The following PCDHA2 variants were observed in gnomAD, a reference collection of about 807,000 sequenced individuals.
The protein encoded by PCDHA2 is protocadherin alpha 2, also known as protocadherin alpha-2.
Under a neutral mutation model 66.0 loss-of-function variants are expected in PCDHA2, and 58 were observed. The ratio of observed to expected loss-of-function variants is 0.88; its 90% CI spans 0.71 to 1.09. The LOEUF (loss-of-function observed/expected upper bound fraction) is 1.09. PCDHA2 is among the 50% of genes least tolerant of loss of function. PCDHA2 has a pLI of 0.00. For synonymous variants in PCDHA2, 634 were observed against 554.0 expected, an observed-to-expected ratio of 1.14 and a Z score of -2.03; for missense variants, 1,267 against 1,242.3, an observed-to-expected ratio of 1.02 and a Z score of -0.30.
At chr5:140,923,226 G>T (rs2081248805) in intron 1 of PCDHA2, among the ~76,000 whole-genome samples, 1 of 71,914 alleles carries the variant, frequency 1.4e-5, no homozygotes, top group Admixed American at 1.5e-4. Flanking sequence ...GATCGTTTGA[G>T]CCCAGAAGTT....
chr5:140,924,527 G>T (rs2081885403), intron 1 of PCDHA2, among the ~76,000 whole-genome samples: 1 of 152,074 alleles, frequency 6.6e-6, no homozygotes. Context: ...AAAAGAGAAT[G>T]CCCGAGCTAC....
intron 1 of PCDHA2, among the ~76,000 whole-genome samples, chr5:140,972,660 ATTTTTTT>A (rs11350929): frequency 8.5e-6 from 1 of 117,268 alleles, no homozygotes; most frequent in Admixed American, 9.2e-5. Flanking sequence ...AAGAAACCAA[ATTTTTTT>A]TTTTTTTTTT....
intron 3 of PCDHA2, among the ~76,000 whole-genome samples, chr5:141,003,770 T>A (rs1365152633): frequency 6.6e-6 from 1 of 152,246 alleles, no homozygotes; most frequent in East Asian, 1.9e-4. Flanking sequence ...TCGTATTCTG[T>A]TAAATAAACT....
intron 1 of PCDHA2, among the ~76,000 whole-genome samples, chr5:140,958,652 G>C (rs991773774): frequency 6.6e-6 from 1 of 152,030 alleles, no homozygotes; most frequent in East Asian, 1.9e-4. Context: ...ATCACAGAAA[G>C]CTATGATGAA....
chr5:140,891,974 C>T (rs2063333007), intron 1 of PCDHA2, among the ~76,000 whole-genome samples: 1 of 152,170 alleles, frequency 6.6e-6, no homozygotes, highest in South Asian at 2.1e-4. Context: ...AATTTCCGTT[C>T]TCATAAATTA....
At chr5:140,891,818 C>T (rs1331998195) in intron 1 of PCDHA2, among the ~76,000 whole-genome samples, 1 of 152,118 alleles carries the variant, frequency 6.6e-6, no homozygotes, top group Non-Finnish European at 1.5e-5. Context: ...AATAAATTAA[C>T]GGCACTGTAA....
rs145763112 is a variant in PCDHA2, at chr5:140,835,616, C to A, written c.2388+38264C>A. The A allele has an allele frequency of 2.0e-5, 32 of 1,613,766 alleles. No homozygotes were observed. The highest frequency in any genetic ancestry group is 8.3e-5 in the Admixed American group (5 of 59,990). On this transcript the variant is annotated intron_variant, in intron 1 of 3. Transcript: ENST00000526136. ...ATTACTATTCATTGGTGCTGGACAGCGCTCTGGACCGCGAGAGTGTGTCCG... is the reference window on the plus strand; with the variant it reads ...ATTACTATTCATTGGTGCTGGACAGAGCTCTGGACCGCGAGAGTGTGTCCG...
chr5:140,807,978 T>C (rs1554124372), intron 1 of PCDHA2: 1 of 1,613,852 alleles, frequency 6.2e-7, no homozygotes, highest in South Asian at 1.1e-5. Context: ...GTAATTAAAC[T>C]TAACGCCTCA....
intron 3 of PCDHA2, among the ~76,000 whole-genome samples, chr5:141,007,904 T>C (rs1397513381): frequency 6.6e-6 from 1 of 152,278 alleles, no homozygotes; most frequent in African/African-American, 2.4e-5. Flanking sequence ...TTGTTCTTTG[T>C]TGAAGATGCT....
chr5:140,795,816 T>C lies in PCDHA2; in HGVS notation c.852T>C (p.Asp284=). 1.9e-6 allele frequency: 3 copies of C among 1,613,268 alleles called. No individual in the cohort carries two copies. The highest frequency in any genetic ancestry group is 2.5e-6 in the Non-Finnish European group (3 of 1,179,386). The change falls in exon 1 of 4, where the codon GAT becomes GAC. Residue 284 remains aspartate, a synonymous_variant. Transcript: ENST00000526136. ...AGATTGTGTATTCACTCGGTAGTGATGTGTCCTCCACTATACAGACTAAGT... is the reference window on the plus strand; with the variant it reads ...AGATTGTGTATTCACTCGGTAGTGACGTGTCCTCCACTATACAGACTAAGT... ...NSEIVYSLGS[D]VSSTIQTKFT...
At chr5:140,926,654 C>G (rs2083445492) in intron 1 of PCDHA2, 1 of 514,022 alleles carries the variant, frequency 1.9e-6, no homozygotes, top group Non-Finnish European at 3.1e-6. Flanking sequence ...GCCGGCTCCG[C>G]TTTCCCAGAC....
intron 1 of PCDHA2, chr5:140,850,823 TTC>T (rs1310925868): frequency 6.3e-7 from 1 of 1,598,142 alleles, no homozygotes; most frequent in African/African-American, 1.3e-5. Flanking sequence ...GCCCGGGCCT[TTC>T]TCCTTGTGCT....
At chr5:140,877,108 G>C in intron 1 of PCDHA2, 1 of 1,613,542 alleles carries the variant, frequency 6.2e-7, no homozygotes. Context: ...GCCGCCTCTG[G>C]GCAGCAACGT....
chr5:140,968,307 A>G (rs1554230602), intron 1 of PCDHA2: 1 of 1,613,964 alleles, frequency 6.2e-7, no homozygotes, highest in South Asian at 1.1e-5. Context: ...AGGGAGATTC[A>G]AGGGCTGCCA....
At chr5:140,982,823 G>A (rs1187029355) in intron 3 of PCDHA2, among the ~76,000 whole-genome samples, 2 of 151,450 alleles carry the variant, frequency 1.3e-5, no homozygotes, top group South Asian at 2.1e-4. Context: ...GAAGTTTTTG[G>A]GGTTTGTTTG....
At chr5:140,867,108 C>A (rs782819699) in intron 1 of PCDHA2, 4 of 152,072 alleles carry the variant, frequency 2.6e-5, no homozygotes, top group Admixed American at 2.6e-4. Flanking sequence ...CCTAAATTAA[C>A]ATATTGTTTT....
intron 1 of PCDHA2, chr5:140,862,692 G>A (rs1354476181): frequency 3.2e-5 from 18 of 555,384 alleles, no homozygotes; most frequent in Admixed American, 5.8e-5. Flanking sequence ...TGTCCTACTC[G>A]TTGATGGAAC....
chr5:140,938,124 A>G (rs2091929948), intron 1 of PCDHA2, among the ~76,000 whole-genome samples: 1 of 152,076 alleles, frequency 6.6e-6, no homozygotes, highest in South Asian at 2.1e-4. Flanking sequence ...TTTTTTTAAA[A>G]AAATAGAGAT....
At chr5:140,946,660 A>T (rs2094005518) in intron 1 of PCDHA2, among the ~76,000 whole-genome samples, 1 of 146,900 alleles carries the variant, frequency 6.8e-6, no homozygotes, top group African/African-American at 2.6e-5. Context: ...GCCATTAGAA[A>T]GAATGAAATC....
Sources: allele counts gnomAD v4.1 joint callset (sites outside exome capture counted in the v4.1 genomes callset), GRCh38; gene constraint gnomAD v4.1.1; transcripts MANE v1.5; gene names NCBI Gene and HGNC (gene_info 2026-07-23, HGNC 2026-07-21).